Variants in ABCA12 observed in about 807,000 individuals in gnomAD.
ABCA12 encodes the protein ATP binding cassette subfamily A member 12, also known as glucosylceramide transporter ABCA12.
In ABCA12, 156 loss-of-function variants were observed where a neutral mutation model predicts 293.5. The observed-to-expected ratio is 0.53, with a 90% CI of 0.47 to 0.61. The LOEUF is 0.61. Ranked by LOEUF, ABCA12 falls within the 20% of genes least tolerant of loss-of-function variation. The pLI, the probability that ABCA12 is intolerant of heterozygous loss-of-function variation, is 0.00. For missense variants in ABCA12, 2,797 were observed against 3,090.2 expected (o/e 0.91, Z 2.25); for synonymous variants, 1,063 against 1,108.0 (o/e 0.96, Z 0.81).
chr2:215,132,244 A>G (rs546089621), intron 1 of ABCA12, among the ~76,000 whole-genome samples: 81 of 152,156 alleles, frequency 5.3e-4, no homozygotes, highest in Non-Finnish European at 1.1e-3. Flanking sequence ...ATAAATGTCT[A>G]TTAGGTCCTT....
chr2:215,052,085 G>T (rs1423985848), intron 5 of ABCA12, among the ~76,000 whole-genome samples: 1 of 152,030 alleles, frequency 6.6e-6, no homozygotes, highest in Non-Finnish European at 1.5e-5. Context: ...TCCTACTTTG[G>T]GGCAATATTT....
At chr2:214,986,773 A>G (rs1422871428) in intron 27 of ABCA12, 45 bp from the exon 28 acceptor site, 2 of 1,540,664 alleles carry the variant, frequency 1.3e-6, no homozygotes, top group Non-Finnish European at 1.8e-6. Context: ...CAAGTAAGGT[A>G]ATGCAGCTAG....
At chr2:215,128,260 C>T (rs985252378) in intron 1 of ABCA12, among the ~76,000 whole-genome samples, 4 of 152,090 alleles carry the variant, frequency 2.6e-5, no homozygotes, top group African/African-American at 9.7e-5. Flanking sequence ...TTGGATAACC[C>T]GATGAAAATG....
At chr2:215,122,944 C>T (rs1702838890) in intron 1 of ABCA12, among the ~76,000 whole-genome samples, 1 of 152,116 alleles carries the variant, frequency 6.6e-6, no homozygotes, top group South Asian at 2.1e-4. Context: ...CATCCCTTCC[C>T]TACTATGGCA....
intron 2 of ABCA12, among the ~76,000 whole-genome samples, chr2:215,076,027 T>A (rs1701827330): frequency 6.6e-6 from 1 of 152,236 alleles, no homozygotes; most frequent in African/African-American, 2.4e-5. Flanking sequence ...TCATATTCCA[T>A]CTATTTACAA....
intron 1 of ABCA12, among the ~76,000 whole-genome samples, chr2:215,136,516 A>G (rs1021299616): frequency 2.6e-5 from 4 of 152,190 alleles, no homozygotes; most frequent in Admixed American, 6.5e-5. Context: ...AACAGACCTC[A>G]GCATTCAGAT....
At chr2:215,073,887 A>C (rs575885379) in intron 2 of ABCA12, among the ~76,000 whole-genome samples, 9 of 152,350 alleles carry the variant, frequency 5.9e-5, no homozygotes, top group African/African-American at 2.2e-4. Flanking sequence ...GGATTCCTCT[A>C]AACCAGACTC....
chr2:215,010,211 G>T, intron 18 of ABCA12, 120 bp downstream of exon 18: 2 of 1,275,864 alleles, frequency 1.6e-6, no homozygotes, highest in Non-Finnish European at 2.2e-6. Context: ...AGAAAGCCAA[G>T]GATAATAATA....
chr2:215,016,136 T>C (rs1022911096), intron 14 of ABCA12, among the ~76,000 whole-genome samples: 1 of 151,590 alleles, frequency 6.6e-6, no homozygotes, highest in Non-Finnish European at 1.5e-5. Flanking sequence ...AGGGTGAGAC[T>C]CTGTCTCAAA....
At chr2:215,120,159 A>G (rs73076510) in intron 1 of ABCA12, among the ~76,000 whole-genome samples, 7,292 of 152,278 alleles carry the variant, frequency 0.048, 568 homozygotes, top group African/African-American at 0.17. Context: ...TCCTTAGCAA[A>G]TTAATGTAAG....
At chr2:215,056,854 C>T (rs1489043653) in intron 3 of ABCA12, among the ~76,000 whole-genome samples, 2 of 152,028 alleles carry the variant, frequency 1.3e-5, no homozygotes, top group African/African-American at 2.4e-5. Flanking sequence ...ATGGCATTCC[C>T]TGAAGTTTCT....
chr2:215,135,615 C>T (rs1334629464), intron 1 of ABCA12, among the ~76,000 whole-genome samples: 1 of 152,174 alleles, frequency 6.6e-6, no homozygotes, highest in African/African-American at 2.4e-5. Flanking sequence ...TAAATGCTTG[C>T]ATTTTAAATT....
chr2:215,138,278 G>A lies in ABCA12; in HGVS notation c.-70C>T, dbSNP rs569841223. On this transcript the variant is annotated 5_prime_UTR_variant, in exon 1 of 53. The change creates a new upstream start codon in the 5' untranslated region. Coordinates refer to ENST00000272895, the MANE Select transcript of ABCA12 (RefSeq NM_173076.3). ...TCCACAAATGAAGAACTGATGCCCC[G>A]TCCAACTTGCTGTATGTCAGTGTAT... 9 of 1,532,054 alleles carry A rather than the reference G, an allele frequency of 5.9e-6. No individual in the cohort carries two copies. The highest frequency in any genetic ancestry group is 4.5e-5 in the East Asian group (2 of 44,404). 94.9% of individuals were successfully genotyped at this position (1,532,054 alleles called of 1,614,324 possible).
chr2:214,983,379 A>G (rs1574961448), intron 29 of ABCA12, among the ~76,000 whole-genome samples: 3 of 152,206 alleles, frequency 2.0e-5, no homozygotes, highest in Admixed American at 2.0e-4. Context: ...GGCTTGGACC[A>G]GGGTAGTAGC....
At chr2:214,980,151 TAAG>T (rs1488162125) in intron 31 of ABCA12, among the ~76,000 whole-genome samples, 2 of 152,208 alleles carry the variant, frequency 1.3e-5, no homozygotes, top group Non-Finnish European at 2.9e-5. Context: ...TCAGTAACCT[TAAG>T]ATGTCAATCA....
chr2:214,977,603 A>C (rs1348620174), intron 33 of ABCA12, among the ~76,000 whole-genome samples: 1 of 152,216 alleles, frequency 6.6e-6, no homozygotes, highest in Non-Finnish European at 1.5e-5. Context: ...AGAGGTATAA[A>C]TTAACTGTCA....
intron 1 of ABCA12, among the ~76,000 whole-genome samples, chr2:215,132,416 C>G (rs1186862962): frequency 2.0e-5 from 3 of 151,734 alleles, no homozygotes; most frequent in African/African-American, 7.3e-5. Flanking sequence ...AAGCTGGGTG[C>G]TTCCGTATTG....
chr2:215,014,667 G>A (rs1351453752), intron 15 of ABCA12, among the ~76,000 whole-genome samples: 1 of 152,146 alleles, frequency 6.6e-6, no homozygotes, highest in Non-Finnish European at 1.5e-5. Flanking sequence ...ATATGGTTAG[G>A]AGACCACTGC....
chr2:215,080,245 C>T (rs1302533199), intron 2 of ABCA12, among the ~76,000 whole-genome samples: 5 of 152,128 alleles, frequency 3.3e-5, no homozygotes, highest in Non-Finnish European at 7.4e-5. Flanking sequence ...TGCCTGTAAT[C>T]CCAGGACTTT....
Sources: allele counts gnomAD v4.1 joint callset (sites outside exome capture counted in the v4.1 genomes callset), GRCh38; gene constraint gnomAD v4.1.1; transcripts MANE v1.5; gene names NCBI Gene and HGNC (gene_info 2026-07-23, HGNC 2026-07-21).